The following CSMD1 variants were observed in gnomAD, a reference collection of about 807,000 sequenced individuals.
CSMD1 encodes CUB and Sushi multiple domains 1.
A neutral mutation model predicts 417.5 loss-of-function variants in CSMD1; 213 were observed. The observed-to-expected ratio is 0.51, with a 90% CI of 0.46 to 0.57. The LOEUF (loss-of-function observed/expected upper bound fraction) is 0.57. CSMD1 is among the 20% of genes least tolerant of loss of function. CSMD1 has a pLI of 0.00. For missense variants in CSMD1, 6,923 were observed against 4,529.7 expected (o/e 1.53, Z -15.17); for synonymous variants, 2,862 against 1,736.8 (o/e 1.65, Z -16.11).
intron 5 of CSMD1, among the ~76,000 whole-genome samples, chr8:3,971,029 G>T (rs1315826964): frequency 6.6e-6 from 1 of 152,170 alleles, no homozygotes; most frequent in South Asian, 2.1e-4. Flanking sequence ...GGGATTTTAG[G>T]CATGAGTCAC....
At chr8:4,110,524 A>T (rs1585333677) in intron 3 of CSMD1, among the ~76,000 whole-genome samples, 2 of 152,134 alleles carry the variant, frequency 1.3e-5, no homozygotes, top group African/African-American at 2.4e-5. Flanking sequence ...TGTGCAAGTT[A>T]AGGATTTTCA....
At chr8:4,334,246 A>G (rs1024303384) in intron 3 of CSMD1, among the ~76,000 whole-genome samples, 5 of 152,102 alleles carry the variant, frequency 3.3e-5, no homozygotes, top group Admixed American at 3.3e-4. Context: ...CTTAATGTGT[A>G]TGATAAGGTG....
At position 3,943,341 on chromosome 8, in the gene CSMD1, G is replaced by A. The variant is rs551027573; in HGVS notation, c.818+54562C>T. 3.4e-5 allele frequency among the ~76,000 whole-genome samples: 5 copies of A among 148,060 alleles called. No homozygotes were observed. In the East Asian group the frequency reaches 1.0e-3, roughly 30 times the overall value. On this transcript the variant is annotated intron_variant, in intron 5 of 69. Coordinates refer to ENST00000635120, the MANE Select transcript of CSMD1 (RefSeq NM_033225.6). ...TAGAAGAGTGAAGTATTCTTGTAGT[G>A]AGTGAACTCAATTTTGTTAAAAAAA...
intron 2 of CSMD1, 110 bp downstream of exon 2, chr8:4,637,232 C>A (rs2617006): frequency 4.2e-6 from 4 of 957,690 alleles, no homozygotes; most frequent in Admixed American, 4.5e-5. Context: ...ACGAACCCAC[C>A]GGAAGGAACC....
At chr8:4,295,433 G>C (rs1301952324) in intron 3 of CSMD1, among the ~76,000 whole-genome samples, 2 of 141,448 alleles carry the variant, frequency 1.4e-5, no homozygotes, top group African/African-American at 5.1e-5. Context: ...ATAATCTTAA[G>C]ATATATATAA....
intron 49 of CSMD1, among the ~76,000 whole-genome samples, chr8:3,069,938 A>G (rs892828333): frequency 3.9e-5 from 6 of 152,188 alleles, no homozygotes; most frequent in Non-Finnish European, 7.3e-5. Flanking sequence ...TCATTCTTGC[A>G]TTCTGCGCAC....
chr8:4,693,862 C>G (rs1322081644), intron 1 of CSMD1, among the ~76,000 whole-genome samples: 1 of 54,798 alleles, frequency 1.8e-5, no homozygotes, highest in Non-Finnish European at 3.3e-5. Flanking sequence ...CTTTTTAACT[C>G]TTCTATTTTC....
At chr8:3,627,724 A>G (rs1796565579) in intron 7 of CSMD1, among the ~76,000 whole-genome samples, 1 of 152,218 alleles carries the variant, frequency 6.6e-6, no homozygotes, top group African/African-American at 2.4e-5. Flanking sequence ...AAGTGTCACA[A>G]AATCTTTAGG....
At chr8:3,621,989 G>GTA (rs1226547887) in intron 7 of CSMD1, among the ~76,000 whole-genome samples, 3 of 97,626 alleles carry the variant, frequency 3.1e-5, no homozygotes, top group East Asian at 3.2e-4. Flanking sequence ...GTGTGTGTGT[G>GTA]TATGTGTGTG....
chr8:4,043,462 C>T (rs1413275589), intron 3 of CSMD1, among the ~76,000 whole-genome samples: 1 of 152,132 alleles, frequency 6.6e-6, no homozygotes, highest in African/African-American at 2.4e-5. Flanking sequence ...ATGAAAAATA[C>T]ACCCAGTGTT....
intron 4 of CSMD1, among the ~76,000 whole-genome samples, chr8:4,016,949 C>T (rs1013075264): frequency 6.6e-6 from 1 of 152,134 alleles, no homozygotes; most frequent in Admixed American, 6.5e-5. Context: ...GATGAAACTC[C>T]TTAAAGTCAA....
chr8:4,427,219 G>C (rs1165692296), intron 2 of CSMD1, among the ~76,000 whole-genome samples: 1 of 152,182 alleles, frequency 6.6e-6, no homozygotes. Flanking sequence ...CTGAGCCCAA[G>C]AGAGGCACAC....
Position 4,830,630 on chromosome 8 carries a change from G to A in CSMD1, c.85+163702C>T, listed in dbSNP as rs1800096253. Reference sequence around the variant, plus strand: ...TAGAACAAACTATGACTTGATCGTGGTAGTTTTTTATTGCTAAGAGGTCAC... The same window carrying A: ...TAGAACAAACTATGACTTGATCGTGATAGTTTTTTATTGCTAAGAGGTCAC... On this transcript the variant is annotated intron_variant, in intron 1 of 69. Coordinates refer to ENST00000635120, the MANE Select transcript of CSMD1 (RefSeq NM_033225.6). Among the ~76,000 whole-genome samples, 4 of 152,190 alleles carry A rather than the reference G, an allele frequency of 2.6e-5. No homozygotes were observed. The South Asian group carries it at 8.3e-4, about 31-fold the overall frequency.
At chr8:3,194,408 C>CT (rs1554460410) in intron 33 of CSMD1, among the ~76,000 whole-genome samples, 4 of 134,842 alleles carry the variant, frequency 3.0e-5, no homozygotes, top group Admixed American at 1.6e-4. Context: ...ATCTGATTAA[C>CT]TATTTTATTT....
chr8:3,309,004 G>C (rs538519895), intron 23 of CSMD1, among the ~76,000 whole-genome samples: 2 of 152,074 alleles, frequency 1.3e-5, no homozygotes, highest in Non-Finnish European at 2.9e-5. Flanking sequence ...GATTACAGGC[G>C]TGAGCCACTG....
intron 17 of CSMD1, among the ~76,000 whole-genome samples, chr8:3,393,613 G>C (rs1269313029): frequency 2.0e-5 from 3 of 152,054 alleles, no homozygotes; most frequent in East Asian, 1.9e-4. Context: ...TGATAGACTG[G>C]ATTGAGAAAA....
rs758836538 is a variant in CSMD1, at chr8:4,640,924, C to A, written c.86-3366G>T. Among the ~76,000 whole-genome samples the A allele has an allele frequency of 7.3e-5, 11 of 149,988 alleles. No homozygotes were observed. In the Middle Eastern group the frequency reaches 0.011, roughly 146 times the overall value. ...TCCATAAACTGACACCGGAAGTCAC[C>A]CTGAAATAAAATATCAATATCAATG... is the stretch of plus-strand genomic sequence containing the variant. On this transcript the variant is annotated intron_variant, in intron 1 of 69. Transcript: ENST00000635120.
chr8:4,288,706 G>C (rs926939661), intron 3 of CSMD1, among the ~76,000 whole-genome samples: 1 of 152,264 alleles, frequency 6.6e-6, no homozygotes, highest in East Asian at 1.9e-4. Flanking sequence ...TCTTCTAGTG[G>C]ATTTTTAAGC....
In CSMD1 at chr8:3,345,616, A is replaced by G. The variant is rs138431037; in HGVS notation, c.3475-2166T>C. The stretch of plus-strand genomic sequence containing the variant: ...TATTTTTTCACCTATAAGTAGCTAG[A>G]TTCAAAGGGTTCTTTTCAGTTATTA... On this transcript the variant is annotated intron_variant, in intron 22 of 69. Transcript: ENST00000635120. Among the ~76,000 whole-genome samples, 278 of 152,278 alleles carry G rather than the reference A, an allele frequency of 1.8e-3. 2 individuals are homozygous for G. Among genetic ancestry groups the G allele is most frequent in the Middle Eastern group, 3.4e-3 (1 of 294 alleles).
Sources: allele counts gnomAD v4.1 joint callset (sites outside exome capture counted in the v4.1 genomes callset), GRCh38; gene constraint gnomAD v4.1.1; transcripts MANE v1.5; gene names NCBI Gene and HGNC (gene_info 2026-07-23, HGNC 2026-07-21).